Variants in SBNO2 observed in about 807,000 individuals in gnomAD.
The protein encoded by SBNO2 is strawberry notch homolog 2, also known as protein strawberry notch homolog 2.
A neutral mutation model predicts 146.3 loss-of-function variants in SBNO2; 89 were observed. The observed-to-expected ratio is 0.61, with a 90% CI of 0.51 to 0.73. The LOEUF (loss-of-function observed/expected upper bound fraction) is 0.73, where lower values mean the gene tolerates loss of function less well. Among genes scored for constraint, SBNO2 ranks in the 30% least tolerant of loss-of-function variants. The pLI is 0.00. For synonymous variants in SBNO2, 1,147 were observed against 892.6 expected (o/e 1.29, Z -5.08); for missense variants, 2,092 against 2,003.7 (o/e 1.04, Z -0.84).
Position 1,158,424 on chromosome 19 carries a change from T to C in SBNO2, c.-126-4022A>G, listed in dbSNP as rs1486436094. Among the ~76,000 whole-genome samples the C allele has an allele frequency of 2.0e-5, 3 of 152,112 alleles. No individual in the cohort carries two copies. The highest frequency in any genetic ancestry group is 1.3e-4 in the Admixed American group (2 of 15,264). On this transcript the variant is annotated intron_variant, in intron 1 of 31. Transcript: ENST00000361757. This position sits in a 1 kb window ranked among gnomAD's most constrained non-coding sequence, Gnocchi z 9.9. Reference sequence around the variant, plus strand: ...CCAGACTCAGCAGCTCAGGCCACGCTGTGCCCACGTTCGCGACGGCAAAGC... The same window carrying C: ...CCAGACTCAGCAGCTCAGGCCACGCCGTGCCCACGTTCGCGACGGCAAAGC...
At chr19:1,127,872 G>C in intron 4 of SBNO2, 107 bp from the exon 5 acceptor site, 1 of 1,032,084 alleles carries the variant, frequency 9.7e-7, no homozygotes, top group Non-Finnish European at 1.4e-6. Flanking sequence ...CCACACACTG[G>C]AGCATGTGGG....
At chr19:1,113,756 C>A in intron 18 of SBNO2, 52 bp from the exon 19 acceptor site, 2 of 1,416,728 alleles carry the variant, frequency 1.4e-6, no homozygotes, top group Non-Finnish European at 9.2e-7. Flanking sequence ...CCTTCTAGGG[C>A]CCACCTAACT....
In SBNO2 at chr19:1,147,298, G is replaced by A. The variant is rs766686696; in HGVS notation, c.279+11C>T. 3.8e-6 allele frequency: 6 copies of A among 1,565,584 alleles called. No homozygotes were observed. In the African/African-American group the frequency reaches 6.9e-5, roughly 18 times the overall value. On this transcript the variant is annotated intron_variant, in intron 4 of 31. Transcript: ENST00000361757. Reference sequence around the variant, plus strand: ...GCCCCCCACGGCGCGGTGAGCTCCTGGGGCTCCTACCTGAGCAAAGTCGCA... The same window carrying A: ...GCCCCCCACGGCGCGGTGAGCTCCTAGGGCTCCTACCTGAGCAAAGTCGCA...
At chr19:1,127,501 C>T (rs780028228) in intron 5 of SBNO2, 103 bp downstream of exon 5, 17 of 1,113,002 alleles carry the variant, frequency 1.5e-5, no homozygotes, top group Non-Finnish European at 2.2e-5. Flanking sequence ...GCCATTGGCA[C>T]GCAGAGTGGG....
chr19:1,114,010 G>C (rs2079800693), intron 18 of SBNO2, among the ~76,000 whole-genome samples: 1 of 152,194 alleles, frequency 6.6e-6, no homozygotes, highest in Non-Finnish European at 1.5e-5. Flanking sequence ...TATAACCCCT[G>C]ACCTCCCCTC....
Position 1,127,708 on chromosome 19 carries a change from A to G in SBNO2, c.337T>C (p.Ser113Pro). ...NISIFSSSVD[S>P]LSDIVDTPDF... Reference sequence around the variant, plus strand: ...GGCGTGTCCACGATGTCCGACAGGGAGTCCACGGACGAGGAGAAGATGGAG... The same window carrying G: ...GGCGTGTCCACGATGTCCGACAGGGGGTCCACGGACGAGGAGAAGATGGAG... The change falls in exon 5 of 32, where the codon TCC becomes CCC. Residue 113 changes from serine to proline, a missense_variant. Physicochemically the swap from Ser to Pro is moderately conservative, Grantham distance 74. Transcript: ENST00000361757. 2.5e-6 allele frequency: 4 copies of G among 1,613,616 alleles called. No individual in the cohort carries two copies. Among genetic ancestry groups the G allele is most frequent in the Non-Finnish European group, 3.4e-6 (4 of 1,179,836 alleles).
At chr19:1,129,816 A>C (rs998356780) in intron 4 of SBNO2, among the ~76,000 whole-genome samples, 7 of 152,110 alleles carry the variant, frequency 4.6e-5, no homozygotes, top group African/African-American at 1.7e-4. Context: ...GAGCTCCCCA[A>C]ACCCAAATGC....
At position 1,119,181 on chromosome 19, in the gene SBNO2, C is replaced by A; in HGVS notation, c.1374-17G>T. 6.3e-7 allele frequency: 1 copy of A among 1,582,696 alleles called. No individual in the cohort carries two copies. Among genetic ancestry groups the A allele is most frequent in the Admixed American group, 1.7e-5 (1 of 58,224 alleles). ...CCAACGCCCCTGCGGATGGACACAG[C>A]CCCCGTGAGCACGGCCAGAGCCCGT... On this transcript the variant is annotated splice_polypyrimidine_tract_variant and intron_variant, in intron 13 of 31. Coordinates refer to ENST00000361757, the MANE Select transcript of SBNO2 (RefSeq NM_014963.3).
Position 1,147,434 on chromosome 19 carries a change from G to GAGGC in SBNO2, c.168-15_168-14insGCCT, listed in dbSNP as rs762035681. ...CTCATGAACGGGCTGGAGGGAGATG[G>GAGGC]GGGGGGGGGAGGTGAGATGGGGTGC... On this transcript the variant is annotated splice_polypyrimidine_tract_variant and intron_variant, in intron 3 of 31. Transcript: ENST00000361757. 8 of 1,133,348 alleles carry GAGGC rather than the reference G, an allele frequency of 7.1e-6. 1 individual carries two copies. The highest frequency in any genetic ancestry group is 9.5e-6 in the Non-Finnish European group (8 of 838,414). The allele number at this position is 1,133,348 out of a possible 1,614,324, so 70.2% of individuals were successfully genotyped here.
At chr19:1,147,791 C>T (rs2080207791) in intron 3 of SBNO2, among the ~76,000 whole-genome samples, 1 of 152,074 alleles carries the variant, frequency 6.6e-6, no homozygotes, top group Admixed American at 6.5e-5. Flanking sequence ...ACACACAGGC[C>T]CCTTGACCCA....
chr19:1,149,297 G>C, intron 3 of SBNO2, 72 bp downstream of exon 3: 3 of 1,422,406 alleles, frequency 2.1e-6, no homozygotes, highest in Non-Finnish European at 1.9e-6. Context: ...CCTGCACCCA[G>C]AACTCCGTTT....
intron 4 of SBNO2, among the ~76,000 whole-genome samples, chr19:1,139,371 T>C (rs2080114429): frequency 1.3e-5 from 2 of 152,038 alleles, no homozygotes; most frequent in African/African-American, 4.8e-5. Flanking sequence ...GGACAGGGCC[T>C]CCTCTAGGGG....
chr19:1,124,899 C>T (rs1164740019), intron 5 of SBNO2, among the ~76,000 whole-genome samples: 1 of 152,080 alleles, frequency 6.6e-6, no homozygotes, highest in Non-Finnish European at 1.5e-5. Flanking sequence ...GGTGGTGTGG[C>T]CCGTCGTCAT....
At position 1,144,807 on chromosome 19, in the gene SBNO2, GAGAC is replaced by G. The variant is rs1158276623; in HGVS notation, c.279+2498_279+2501del. Among the ~76,000 whole-genome samples the G allele has an allele frequency of 6.0e-5, 9 of 151,134 alleles. No individual in the cohort carries two copies. The highest frequency in any genetic ancestry group is 1.2e-4 in the Non-Finnish European group (8 of 67,764). Reference sequence around the variant, plus strand: ...AGACAGAGACAGAGAGGGAGACAGAGAGACAGAGACAGAGAGGGAGACAGAGAGA... The same window carrying G: ...AGACAGAGACAGAGAGGGAGACAGAGAGAGACAGAGAGGGAGACAGAGAGA... On this transcript the variant is annotated intron_variant, in intron 4 of 31. Coordinates refer to ENST00000361757, the MANE Select transcript of SBNO2 (RefSeq NM_014963.3). This position sits in a 1 kb window ranked among gnomAD's most constrained non-coding sequence, Gnocchi z 4.1.
At position 1,112,899 on chromosome 19, in the gene SBNO2, G is replaced by A. The variant is rs559981621; in HGVS notation, c.2298C>T (p.Ala766=). The A allele has an allele frequency of 4.5e-6, 7 of 1,571,318 alleles. No homozygotes were observed. In the African/African-American group the frequency reaches 6.8e-5, roughly 15 times the overall value. The change falls in exon 20 of 32, where the codon GCC becomes GCT. Residue 766 remains alanine (A), a synonymous_variant. Coordinates refer to ENST00000361757, the MANE Select transcript of SBNO2 (RefSeq NM_014963.3). The surrounding 1 kb of genome is among the most constrained non-coding windows in gnomAD (Gnocchi z 5.9). ...RVVSRPDGTV[A]FESRAEQGLS... Reference sequence around the variant, plus strand: ...GACCCTGCTCTGCCCGCGACTCGAAGGCCACCGTCCCGTCGGGCCTGGACA... The same window carrying A: ...GACCCTGCTCTGCCCGCGACTCGAAAGCCACCGTCCCGTCGGGCCTGGACA...
chr19:1,109,463 C>A lies in SBNO2; in HGVS notation c.3217-40G>T. ...GTTGAGGCCGCGCCCCGGTCCGCCC[C>A]CCGCGGGCCCTCCTCTGGGGGGGTA... On this transcript the variant is annotated intron_variant, in intron 28 of 31. Transcript: ENST00000361757. The surrounding 1 kb of genome is among the most constrained non-coding windows in gnomAD (Gnocchi z 4.2). The A allele has an allele frequency of 6.4e-7, 1 of 1,567,020 alleles. No homozygotes were observed. The highest frequency in any genetic ancestry group is 1.2e-5 in the South Asian group (1 of 85,586).
At position 1,127,786 on chromosome 19, in the gene SBNO2, C is replaced by G. The variant is rs371953449; in HGVS notation, c.280-21G>C. ...GAGTCCTGGAAGACAAGGCCAGGCC[C>G]GGTGAGGGTGGTACGGGAGACACCA... On this transcript the variant is annotated intron_variant, in intron 4 of 31. Transcript: ENST00000361757. 1.4e-5 allele frequency: 23 copies of G among 1,610,436 alleles called. No homozygotes were observed. The East Asian group carries it at 2.0e-4, about 14-fold the overall frequency.
intron 17 of SBNO2, among the ~76,000 whole-genome samples, chr19:1,114,644 A>G (rs1018072903): frequency 1.0e-4 from 13 of 124,394 alleles, no homozygotes; most frequent in Non-Finnish European, 2.0e-4. Context: ...GCCATATTTT[A>G]TTTATTTATT....
rs114320690 is a variant in SBNO2 at position 1,115,927 on chromosome 19, G to C, written c.1885+94C>G. ...AGGACCTGCATTTGGCTGAGTGGAC[G>C]GGGGAGTGGGGGAAGCAGGGAGCGA... On this transcript the variant is annotated intron_variant, in intron 17 of 31. Coordinates refer to ENST00000361757, the MANE Select transcript of SBNO2 (RefSeq NM_014963.3). The C allele has an allele frequency of 7.0e-3, 7,044 of 1,006,076 alleles. 322 individuals carry two copies. The African/African-American group carries it at 0.1, about 14-fold the overall frequency. The allele number at this position is 1,006,076 out of a possible 1,614,324, so 62.3% of individuals were successfully genotyped here.
Sources: gnomAD v4.1 joint callset for allele counts (sites outside exome capture counted in the v4.1 genomes callset) on GRCh38, gnomAD v4.1.1 for gene constraint, Gnocchi (gnomAD v3.1) non-coding constraint, MANE v1.5 for transcripts, NCBI Gene and HGNC (gene_info 2026-07-23, HGNC 2026-07-21) for gene names.